MARCHF1: variants seen among roughly 807,000 people sequenced by gnomAD.
MARCHF1 encodes the protein E3 ubiquitin-protein ligase MARCHF1.
MARCHF1 carries 40 observed loss-of-function variants against 54.2 expected under a neutral mutation model. The observed-to-expected ratio is 0.74, with a 90% confidence interval of 0.57 to 0.96. The LOEUF (loss-of-function observed/expected upper bound fraction) is 0.96. Ranked by LOEUF, MARCHF1 falls within the 40% of genes least tolerant of loss-of-function variation. MARCHF1 has a pLI of 0.00. For missense variants in MARCHF1, 586 were observed against 656.5 expected, an observed-to-expected ratio of 0.89 and a Z score of 1.17; for synonymous variants, 236 against 236.3, an observed-to-expected ratio of 1.00 and a Z score of 0.01.
At chr4:164,346,826 A>G (rs35655153) in intron 1 of MARCHF1, among the ~76,000 whole-genome samples, 65,074 of 151,428 alleles carry the variant, frequency 0.43, 14,782 homozygotes, top group Non-Finnish European at 0.5. Flanking sequence ...GCAGATTTGC[A>G]GAGAACCATA....
At chr4:164,176,634 G>A (rs992083646) in intron 1 of MARCHF1, among the ~76,000 whole-genome samples, 6 of 151,950 alleles carry the variant, frequency 3.9e-5, no homozygotes, top group Admixed American at 2.6e-4. Context: ...AAGAATTTGG[G>A]AATCTAAGAT....
intron 3 of MARCHF1, among the ~76,000 whole-genome samples, chr4:163,969,459 A>G (rs1752506587): frequency 1.3e-5 from 2 of 152,230 alleles, no homozygotes; most frequent in East Asian, 3.8e-4. Context: ...ATTCTTGCCA[A>G]TACAGTTGGA....
chr4:164,345,282 T>A (rs1411795925), intron 1 of MARCHF1, among the ~76,000 whole-genome samples: 1 of 152,058 alleles, frequency 6.6e-6, no homozygotes, highest in African/African-American at 2.4e-5. Flanking sequence ...AAATAAAATG[T>A]ATGGCTGGGC....
At chr4:163,964,890 C>G (rs1158901352) in intron 3 of MARCHF1, among the ~76,000 whole-genome samples, 3 of 151,910 alleles carry the variant, frequency 2.0e-5, no homozygotes, top group Non-Finnish European at 4.4e-5. Context: ...TGATATTATT[C>G]TTGCATCAGC....
At chr4:163,785,345 C>A (rs1747586130) in intron 4 of MARCHF1, among the ~76,000 whole-genome samples, 1 of 152,072 alleles carries the variant, frequency 6.6e-6, no homozygotes, top group Non-Finnish European at 1.5e-5. Flanking sequence ...TTCACTCATC[C>A]ATTTGTATAG....
At chr4:163,974,861 T>C (rs1752617732) in intron 3 of MARCHF1, among the ~76,000 whole-genome samples, 1 of 152,104 alleles carries the variant, frequency 6.6e-6, no homozygotes, top group Non-Finnish European at 1.5e-5. Flanking sequence ...AGATTAACAA[T>C]TAAATGGGTA....
intron 3 of MARCHF1, among the ~76,000 whole-genome samples, chr4:163,865,691 C>T (rs892448166): frequency 6.6e-6 from 1 of 151,556 alleles, no homozygotes; most frequent in Non-Finnish European, 1.5e-5. Context: ...ATTTTACATA[C>T]ATTTTATTAT....
At chr4:164,271,428 G>A (rs1167849020) in intron 1 of MARCHF1, among the ~76,000 whole-genome samples, 1 of 152,164 alleles carries the variant, frequency 6.6e-6, no homozygotes, top group East Asian at 1.9e-4. Flanking sequence ...ATGAGAAAAG[G>A]AATGCTGATG....
chr4:164,121,301 T>A (rs2110774521), intron 1 of MARCHF1, among the ~76,000 whole-genome samples: 1 of 152,162 alleles, frequency 6.6e-6, no homozygotes, highest in South Asian at 2.1e-4. Context: ...ACCTGTATTC[T>A]CCATTCTCAC....
At chr4:163,556,997 T>A (rs1415044747) in intron 8 of MARCHF1, among the ~76,000 whole-genome samples, 1 of 152,178 alleles carries the variant, frequency 6.6e-6, no homozygotes, top group African/African-American at 2.4e-5. Flanking sequence ...TGATTTTCAA[T>A]GGATTCTCAA....
intron 5 of MARCHF1, among the ~76,000 whole-genome samples, chr4:163,646,660 T>C (rs952258625): frequency 1.3e-5 from 2 of 152,116 alleles, no homozygotes; most frequent in Non-Finnish European, 2.9e-5. Context: ...AGTAAAAATG[T>C]AGTTTTTTAT....
intron 4 of MARCHF1, among the ~76,000 whole-genome samples, chr4:163,745,980 GTACATTTGT>G (rs1460051955): frequency 2.0e-5 from 3 of 152,046 alleles, no homozygotes; most frequent in African/African-American, 4.8e-5. Flanking sequence ...CACCAGAGTG[GTACATTTGT>G]TACATCAGTG....
chr4:164,294,847 A>C (rs1394488246), intron 1 of MARCHF1, among the ~76,000 whole-genome samples: 2 of 152,176 alleles, frequency 1.3e-5, no homozygotes, highest in East Asian at 3.9e-4. Flanking sequence ...TATAGGTGTC[A>C]CTTCTTAAAT....
chr4:164,266,641 A>C (rs1270909262), intron 1 of MARCHF1, among the ~76,000 whole-genome samples: 3 of 152,158 alleles, frequency 2.0e-5, no homozygotes, highest in Non-Finnish European at 4.4e-5. Flanking sequence ...TTATTTTCTT[A>C]GTTCAGAAGA....
chr4:163,805,309 T>C (rs1345364969), intron 4 of MARCHF1, among the ~76,000 whole-genome samples: 2 of 152,138 alleles, frequency 1.3e-5, no homozygotes, highest in African/African-American at 4.8e-5. Flanking sequence ...CATGCTTTTA[T>C]GTTTTTCAGA....
intron 4 of MARCHF1, among the ~76,000 whole-genome samples, chr4:163,808,951 C>T (rs979102121): frequency 2.0e-5 from 3 of 152,106 alleles, no homozygotes; most frequent in African/African-American, 4.8e-5. Context: ...GAGACTGTCT[C>T]GTCTATTTCA....
At chr4:163,575,739 T>C (rs1740015482) in intron 8 of MARCHF1, among the ~76,000 whole-genome samples, 1 of 152,178 alleles carries the variant, frequency 6.6e-6, no homozygotes, top group Non-Finnish European at 1.5e-5. Context: ...TATTGATCTG[T>C]TCAGGGTTTC....
intron 4 of MARCHF1, among the ~76,000 whole-genome samples, chr4:163,744,399 A>G (rs1057447681): frequency 6.6e-5 from 10 of 152,212 alleles, no homozygotes; most frequent in African/African-American, 2.2e-4. Flanking sequence ...TTATATAGTA[A>G]GTATCTCCTC....
intron 5 of MARCHF1, 70 bp downstream of exon 5, chr4:163,700,743 C>T (rs1449816404): frequency 6.9e-6 from 8 of 1,151,828 alleles, no homozygotes; most frequent in Non-Finnish European, 1.0e-5. Context: ...ATAGGTTAAA[C>T]ATTATAAACA....
Sources: gnomAD v4.1 joint callset for allele counts (sites outside exome capture counted in the v4.1 genomes callset) on GRCh38, gnomAD v4.1.1 for gene constraint, MANE v1.5 for transcripts, NCBI Gene and HGNC (gene_info 2026-07-23, HGNC 2026-07-21) for gene names.